GRM7: variants seen among roughly 807,000 people sequenced by gnomAD.
The protein encoded by GRM7 is glutamate metabotropic receptor 7.
In GRM7, 35 loss-of-function variants were observed where a neutral mutation model predicts 84.5. The observed-to-expected ratio is 0.41, with a 90% CI of 0.32 to 0.55. The LOEUF is 0.55. GRM7 is among the 20% of genes least tolerant of loss of function. The pLI is 0.19. For synonymous variants in GRM7, 487 were observed against 455.1 expected (o/e 1.07, Z -0.89); for missense variants, 1,003 against 1,194.6 (o/e 0.84, Z 2.36).
At chr3:7,187,180 A>T (rs1288438739) in intron 2 of GRM7, among the ~76,000 whole-genome samples, 1 of 146,668 alleles carries the variant, frequency 6.8e-6, no homozygotes, top group Admixed American at 6.7e-5. Flanking sequence ...AAATATGCCC[A>T]TGCTACTGCA....
intron 9 of GRM7, among the ~76,000 whole-genome samples, chr3:7,714,630 A>G (rs162792): frequency 0.075 from 11,282 of 150,960 alleles, 656 homozygotes; most frequent in African/African-American, 0.16. Context: ...TCTTTGGCAC[A>G]AGTTTGCTCT....
At chr3:6,990,463 T>C (rs569785206) in intron 1 of GRM7, among the ~76,000 whole-genome samples, 11 of 152,296 alleles carry the variant, frequency 7.2e-5, no homozygotes, top group African/African-American at 2.6e-4. Flanking sequence ...TTTTTGTTCA[T>C]TTTTCTTCTC....
chr3:7,393,976 CTG>C (rs1249067279), intron 4 of GRM7, among the ~76,000 whole-genome samples: 1 of 152,164 alleles, frequency 6.6e-6, no homozygotes, highest in Admixed American at 6.5e-5. Context: ...CTTAGGCACT[CTG>C]TATGTATTTT....
chr3:7,125,836 AC>A (rs2125048188), intron 1 of GRM7, among the ~76,000 whole-genome samples: 2 of 152,182 alleles, frequency 1.3e-5, no homozygotes, highest in South Asian at 4.2e-4. Flanking sequence ...CATCTTTGCA[AC>A]TGCTTTTCTT....
chr3:6,879,236 A>G (rs1695421675), intron 1 of GRM7, among the ~76,000 whole-genome samples: 2 of 152,236 alleles, frequency 1.3e-5, no homozygotes, highest in East Asian at 1.9e-4. Flanking sequence ...ATTCAAATCT[A>G]GAAAGTCTGA....
chr3:6,928,732 G>T lies in GRM7; in HGVS notation c.519+66825G>T, dbSNP rs1003441865. On this transcript the variant is annotated intron_variant, in intron 1 of 9. Transcript: ENST00000357716. The surrounding 1 kb of genome is among the most constrained non-coding windows in gnomAD (Gnocchi z 4.5). ...TTTATCACTAAATGGCTTTTCCATG[G>T]ATTGCAATCATTGAAAGGTTGTAAT... Among the ~76,000 whole-genome samples, 1 of 152,138 alleles carries T rather than the reference G, an allele frequency of 6.6e-6. No individual in the cohort carries two copies. Among genetic ancestry groups the T allele is most frequent in the Admixed American group, 6.5e-5 (1 of 15,274 alleles).
intron 2 of GRM7, among the ~76,000 whole-genome samples, chr3:7,184,241 C>T (rs575649096): frequency 3.3e-5 from 5 of 151,950 alleles, no homozygotes; most frequent in South Asian, 2.1e-4. Flanking sequence ...TTCCCTTCTC[C>T]GAAAAAGTAA....
intron 1 of GRM7, among the ~76,000 whole-genome samples, chr3:7,016,301 T>C (rs1241356064): frequency 2.6e-5 from 4 of 152,176 alleles, no homozygotes. Flanking sequence ...ACAATGAGTA[T>C]TGCCACAGAA....
chr3:7,312,257 G>A (rs1014493371), intron 4 of GRM7, among the ~76,000 whole-genome samples: 3 of 152,080 alleles, frequency 2.0e-5, no homozygotes, highest in East Asian at 3.9e-4. Context: ...CACCACATGC[G>A]GTGTCTTGGC....
intron 7 of GRM7, among the ~76,000 whole-genome samples, chr3:7,511,660 C>T (rs1361356491): frequency 6.6e-6 from 1 of 152,206 alleles, no homozygotes; most frequent in Non-Finnish European, 1.5e-5. Context: ...TTGATTTTCT[C>T]AATCTAGTTT....
intron 5 of GRM7, among the ~76,000 whole-genome samples, chr3:7,452,387 A>G (rs1467658758): frequency 6.6e-6 from 1 of 152,164 alleles, no homozygotes; most frequent in African/African-American, 2.4e-5. Flanking sequence ...TCACAAAGTA[A>G]AATACTACAA....
chr3:7,422,968 T>C (rs191679163), intron 5 of GRM7, among the ~76,000 whole-genome samples: 11 of 152,280 alleles, frequency 7.2e-5, no homozygotes, highest in Admixed American at 5.9e-4. Context: ...TTGATTTTAC[T>C]CACAAACCTC....
rs1243627860 is a variant in GRM7 at position 7,446,551 on chromosome 3, C to G, written c.1175-6056C>G. Among the ~76,000 whole-genome samples, 3 of 150,138 alleles carry G rather than the reference C, an allele frequency of 2.0e-5. No homozygotes were observed. The East Asian group carries it at 5.9e-4, about 30-fold the overall frequency. On this transcript the variant is annotated intron_variant, in intron 5 of 9. Coordinates refer to ENST00000357716, the MANE Select transcript of GRM7 (RefSeq NM_000844.4). ...TCTCAGCTCACTGCAGCCTCTACCT[C>G]CTGGGTTCAAGGCAATTCTCCTGTC... is the stretch of plus-strand genomic sequence containing the variant.
At chr3:7,591,393 G>T in intron 8 of GRM7, 1 of 416,050 alleles carries the variant, frequency 2.4e-6, no homozygotes, top group South Asian at 1.8e-5. Context: ...TGGTAAGGAT[G>T]TGGGAAAACG....
intron 7 of GRM7, among the ~76,000 whole-genome samples, chr3:7,568,295 A>AT (rs1481680326): frequency 6.6e-6 from 1 of 152,168 alleles, no homozygotes; most frequent in East Asian, 1.9e-4. Flanking sequence ...TGATAAAGAC[A>AT]TACCTGCACT....
At chr3:7,523,996 A>T (rs1046696825) in intron 7 of GRM7, among the ~76,000 whole-genome samples, 1 of 152,124 alleles carries the variant, frequency 6.6e-6, no homozygotes, top group African/African-American at 2.4e-5. Flanking sequence ...CCCCTCTTCT[A>T]TCTTGCTCCT....
At chr3:7,706,839 G>A (rs2125162832) in intron 9 of GRM7, among the ~76,000 whole-genome samples, 2 of 152,254 alleles carry the variant, frequency 1.3e-5, no homozygotes, top group South Asian at 4.1e-4. Context: ...AACTCACAAT[G>A]TGGTATTTTT....
chr3:6,976,098 A>C, intron 1 of GRM7, among the ~76,000 whole-genome samples: 1 of 152,042 alleles, frequency 6.6e-6, no homozygotes, highest in East Asian at 1.9e-4. Context: ...CGGTTTATTT[A>C]CCCTCCCCAC....
chr3:7,415,521 CCAT>C (rs1445390342), intron 5 of GRM7, among the ~76,000 whole-genome samples: 1 of 151,972 alleles, frequency 6.6e-6, no homozygotes, highest in Non-Finnish European at 1.5e-5. Flanking sequence ...TTAACTGTTA[CCAT>C]GGACAGTATA....
Sources: allele counts gnomAD v4.1 joint callset (sites outside exome capture counted in the v4.1 genomes callset), GRCh38; gene constraint gnomAD v4.1.1; non-coding constraint Gnocchi (gnomAD v3.1); transcripts MANE v1.5; gene names NCBI Gene and HGNC (gene_info 2026-07-23, HGNC 2026-07-21).